ADAM8: variants seen among roughly 807,000 people sequenced by gnomAD.
ADAM8 encodes disintegrin and metalloproteinase domain-containing protein 8.
Under a neutral mutation model 102.4 loss-of-function variants are expected in ADAM8, and 104 were observed. That is an observed-to-expected ratio of 1.02 (90% CI 0.87 to 1.20). The LOEUF (loss-of-function observed/expected upper bound fraction) is 1.20. ADAM8 is among the 50% of genes most tolerant of loss of function. The probability of loss-of-function intolerance (pLI) is 0.00; values close to 1 mark genes in which losing one functional copy is unlikely to be tolerated. For missense variants in ADAM8, 1,132 were observed against 1,159.0 expected, an observed-to-expected ratio of 0.98 and a Z score of 0.34; for synonymous variants, 517 against 485.2, an observed-to-expected ratio of 1.07 and a Z score of -0.86.
chr10:133,272,105 G>C (rs1846549916), intron 10 of ADAM8, 88 bp downstream of exon 10: 3 of 1,502,464 alleles, frequency 2.0e-6, no homozygotes, highest in South Asian at 2.4e-5. Context: ...GAGGGGAGGT[G>C]GCCTGCTCCA....
chr10:133,268,899 C>A (rs534658126), intron 18 of ADAM8, 37 bp from the exon 19 acceptor site: 5 of 1,590,274 alleles, frequency 3.1e-6, no homozygotes, highest in Non-Finnish European at 4.3e-6. Context: ...GCAGGCAGGC[C>A]GCGACCTCAG....
chr10:133,262,981 AG>A lies in ADAM8; in HGVS notation c.*174del. The A allele has an allele frequency of 1.3e-6, 1 of 783,454 alleles. No homozygotes were observed. The allele number at this position is 783,454 out of a possible 1,614,324, so 48.5% of individuals were successfully genotyped here. The stretch of plus-strand genomic sequence containing the variant: ...CAAGGCGGGGAGAAGGAATTGGCTG[AG>A]GGCGTGGACAGCAGGAGCCTCTCAG... On this transcript the variant is annotated 3_prime_UTR_variant, in exon 23 of 23. Transcript: ENST00000445355.
intron 2 of ADAM8, among the ~76,000 whole-genome samples, 200 bp from the exon 3 acceptor site, chr10:133,274,435 G>A: frequency 8.5e-6 from 1 of 118,178 alleles, no homozygotes; most frequent in Non-Finnish European, 1.8e-5. Flanking sequence ...GGTGGGGGGT[G>A]GAAGGTGGAG....
chr10:133,263,005 C>T lies in ADAM8; in HGVS notation c.*151G>A. On this transcript the variant is annotated 3_prime_UTR_variant, in exon 23 of 23. Coordinates refer to ENST00000445355, the MANE Select transcript of ADAM8 (RefSeq NM_001109.5). ...GAGGGCGTGGACAGCAGGAGCCTCT[C>T]AGGTAGATGCATTCCTGAGGTTAGA... 1.1e-6 allele frequency: 1 copy of T among 941,882 alleles called. No individual in the cohort carries two copies. Among genetic ancestry groups the T allele is most frequent in the Non-Finnish European group, 1.7e-6 (1 of 581,640 alleles). 58.3% of individuals were successfully genotyped at this position (941,882 alleles called of 1,614,324 possible).
rs746138247 is a variant in ADAM8, at chr10:133,271,999, C to T, written c.958-45G>A. On this transcript the variant is annotated intron_variant, in intron 10 of 22. Coordinates refer to ENST00000445355, the MANE Select transcript of ADAM8 (RefSeq NM_001109.5). ...CTCAGGAACCATGTGGCCAACTCCC[C>T]ACGCCTGCCACCCTCACCCCACCAG... The T allele has an allele frequency of 5.0e-6, 8 of 1,593,676 alleles. No homozygotes were observed. In the South Asian group the frequency reaches 5.5e-5, roughly 11 times the overall value.
At position 133,271,872 on chromosome 10, in the gene ADAM8, T is replaced by C; in HGVS notation, c.1040A>G (p.Asn347Ser). The C allele has an allele frequency of 1.9e-6, 3 of 1,612,658 alleles. No individual in the cohort carries two copies. Among genetic ancestry groups the C allele is most frequent in the Non-Finnish European group, 2.5e-6 (3 of 1,179,934 alleles). Residue 347 changes from asparagine (N) to serine (S), a missense_variant, in exon 11 of 23, where the codon AAC becomes AGC. By Grantham distance (46) the Asn-to-Ser change is conservative (BLOSUM62 1). Coordinates refer to ENST00000445355, the MANE Select transcript of ADAM8 (RefSeq NM_001109.5). ...GHNLGMDHDENVQGCRCQERF... is the reference protein window; with the variant it reads ...GHNLGMDHDESVQGCRCQERF... Reference sequence around the variant, plus strand: ...TTCCTGGCAGCGGCAGCCCTGGACGTTCTCATCATGGTCCATGCCCAGGTT... The same window carrying C: ...TTCCTGGCAGCGGCAGCCCTGGACGCTCTCATCATGGTCCATGCCCAGGTT...
At chr10:133,270,616 T>C in intron 15 of ADAM8, 106 bp from the exon 16 acceptor site, 1 of 1,535,754 alleles carries the variant, frequency 6.5e-7, no homozygotes, top group Non-Finnish European at 8.8e-7. Context: ...CGCTTGAGCC[T>C]GGGGTCCATG....
Position 133,270,866 on chromosome 10 carries a change from C to T in ADAM8, c.1564+15G>A. The T allele has an allele frequency of 3.7e-6, 6 of 1,610,540 alleles. No individual in the cohort carries two copies. The highest frequency in any genetic ancestry group is 5.1e-6 in the Non-Finnish European group (6 of 1,178,292). On this transcript the variant is annotated intron_variant, in intron 14 of 22. Transcript: ENST00000445355. ...CTGCAGCCACCCTGCCAGGCCAGCT[C>T]TGTGCCCACTTCACCTGGCCCCCAG... is the stretch of plus-strand genomic sequence containing the variant.
Position 133,273,176 on chromosome 10 carries a change from GGGGAGCCAGGAGGACT to G in ADAM8, c.573+62_573+77del. ...AGACAATGGGCAGCACCCAGCACATGGGGAGCCAGGAGGACTCACAGGCCAGGCAAGTGGACACCGG... is the reference window on the plus strand; with the variant it reads ...AGACAATGGGCAGCACCCAGCACATGCACAGGCCAGGCAAGTGGACACCGG... On this transcript the variant is annotated intron_variant, in intron 6 of 22. Coordinates refer to ENST00000445355, the MANE Select transcript of ADAM8 (RefSeq NM_001109.5). The G allele has an allele frequency of 1.9e-6, 3 of 1,578,144 alleles. No individual in the cohort carries two copies. The African/African-American group carries it at 4.0e-5, about 21-fold the overall frequency.
At chr10:133,266,011 A>G (rs2136073625) in intron 21 of ADAM8, among the ~76,000 whole-genome samples, 2 of 152,308 alleles carry the variant, frequency 1.3e-5, no homozygotes, top group South Asian at 4.1e-4. Flanking sequence ...GCGCTGTGTC[A>G]ACATCCCCCG....
chr10:133,269,490 A>C lies in ADAM8; in HGVS notation c.1903T>G (p.Trp635Gly), dbSNP rs771835481. The change falls in exon 18 of 23, where the codon TGG becomes GGG. Residue 635 changes from tryptophan to glycine, a missense_variant. By Grantham distance (184) the Trp-to-Gly change is radical. Coordinates refer to ENST00000445355, the MANE Select transcript of ADAM8 (RefSeq NM_001109.5). Reference sequence around the variant, plus strand: ...AGCTTCGCGCAGTGGGGCGGGGCCCAGCCCGCGTGGCAGTGGCACTCCTGC... The same window carrying C: ...AGCTTCGCGCAGTGGGGCGGGGCCCCGCCCGCGTGGCAGTGGCACTCCTGC... ...HKQECHCHAG[W>G]APPHCAKLLT... The C allele has an allele frequency of 1.1e-4, 168 of 1,599,394 alleles. 1 individual carries two copies. The highest frequency in any genetic ancestry group is 1.4e-4 in the Non-Finnish European group (165 of 1,178,370).
intron 21 of ADAM8, among the ~76,000 whole-genome samples, chr10:133,266,214 T>C (rs1314591393): frequency 6.6e-6 from 1 of 151,850 alleles, no homozygotes; most frequent in Non-Finnish European, 1.5e-5. Flanking sequence ...GGCCGGGGGC[T>C]GAGTGCCTGG....
chr10:133,263,604 A>T, intron 22 of ADAM8, 84 bp downstream of exon 22: 6 of 53,358 alleles, frequency 1.1e-4, no homozygotes, highest in South Asian at 2.1e-4. Context: ...CCCACCCTCC[A>T]GGGCAGTGCC....
rs576745677 is a variant in ADAM8 at position 133,268,979 on chromosome 10, T to C, written c.1949-117A>G. On this transcript the variant is annotated intron_variant, in intron 18 of 22. Transcript: ENST00000445355. ...CCCCAGGCTGTGCCCTGTGGACCCC[T>C]CAGGGAGGACCTGGTACCTTACACT... 152 of 1,489,920 alleles carry C rather than the reference T, an allele frequency of 1.0e-4. No individual in the cohort carries two copies. The African/African-American group carries it at 2.0e-3, about 20-fold the overall frequency. 92.3% of individuals were successfully genotyped at this position (1,489,920 alleles called of 1,614,324 possible).
At chr10:133,264,234 T>C (rs1237496232) in intron 21 of ADAM8, among the ~76,000 whole-genome samples, 1 of 151,536 alleles carries the variant, frequency 6.6e-6, no homozygotes, top group African/African-American at 2.4e-5. Context: ...GCTAATTTTT[T>C]ATTTTTTGTA....
intron 5 of ADAM8, 44 bp from the exon 6 acceptor site, chr10:133,273,487 C>A (rs775737526): frequency 4.0e-6 from 6 of 1,496,874 alleles, no homozygotes; most frequent in Middle Eastern, 2.2e-4. Flanking sequence ...TTCAGAGTGG[C>A]CTGGTCCTGC....
intron 5 of ADAM8, 116 bp from the exon 6 acceptor site, chr10:133,273,559 C>G (rs1414867778): frequency 7.5e-7 from 1 of 1,331,828 alleles, no homozygotes; most frequent in African/African-American, 1.5e-5. Context: ...CACCAGCAGC[C>G]CCCCGCAGGT....
Position 133,274,898 on chromosome 10 carries a change from C to G in ADAM8, c.150+586G>C, listed in dbSNP as rs1308565158. ...AGCTCTGGGACAGCCTTAGCTGTGC[C>G]ACCGGCTGGATGAGCCCAGGGCAGC... On this transcript the variant is annotated intron_variant, in intron 2 of 22. Coordinates refer to ENST00000445355, the MANE Select transcript of ADAM8 (RefSeq NM_001109.5). 7 of 434,348 alleles carry G rather than the reference C, an allele frequency of 1.6e-5. No homozygotes were observed. The Middle Eastern group carries it at 1.0e-3, about 62-fold the overall frequency. 26.9% of individuals were successfully genotyped at this position (434,348 alleles called of 1,614,324 possible).
At position 133,271,645 on chromosome 10, in the gene ADAM8, C is replaced by T; in HGVS notation, c.1167G>A (p.Glu389=). The T allele has an allele frequency of 6.4e-7, 1 of 1,557,302 alleles. No homozygotes were observed. Among genetic ancestry groups the T allele is most frequent in the Non-Finnish European group, 8.7e-7 (1 of 1,150,612 alleles). The change falls in exon 12 of 23, where the codon GAG becomes GAA. Residue 389 remains glutamate, a synonymous_variant. Coordinates refer to ENST00000445355, the MANE Select transcript of ADAM8 (RefSeq NM_001109.5). ...TGGCGAGGCACACCGACTGCGGCCGCTCCAAAAAGCTCTCCAGGTAGGCCT... is the reference window on the plus strand; with the variant it reads ...TGGCGAGGCACACCGACTGCGGCCGTTCCAAAAAGCTCTCCAGGTAGGCCT... ...CSQAYLESFL[E]RPQSVCLANA...
Sources: allele counts gnomAD v4.1 joint callset (sites outside exome capture counted in the v4.1 genomes callset), GRCh38; gene constraint gnomAD v4.1.1; transcripts MANE v1.5; gene names NCBI Gene and HGNC (gene_info 2026-07-23, HGNC 2026-07-21).